The following PTPRD variants were observed in gnomAD, a reference collection of about 807,000 sequenced individuals.
PTPRD encodes protein tyrosine phosphatase receptor type D, also known as receptor-type tyrosine-protein phosphatase delta.
A neutral mutation model predicts 214.5 loss-of-function variants in PTPRD; 34 were observed. The ratio of observed to expected loss-of-function variants is 0.16; its 90% confidence interval spans 0.12 to 0.21. The LOEUF (loss-of-function observed/expected upper bound fraction) is 0.21, where lower values mean the gene tolerates loss of function less well. Ranked by LOEUF, PTPRD falls within the 10% of genes least tolerant of loss-of-function variation. The pLI, the probability that PTPRD is intolerant of heterozygous loss-of-function variation, is 1.00. For synonymous variants in PTPRD, 1,128 were observed against 845.7 expected, an observed-to-expected ratio of 1.33 and a Z score of -5.79; for missense variants, 2,545 against 2,398.7, an observed-to-expected ratio of 1.06 and a Z score of -1.27.
At chr9:8,580,892 A>T (rs1022728575) in intron 14 of PTPRD, among the ~76,000 whole-genome samples, 1 of 152,250 alleles carries the variant, frequency 6.6e-6, no homozygotes, top group African/African-American at 2.4e-5. Flanking sequence ...CAAACAGTAG[A>T]TCACATATCA....
chr9:9,271,298 A>C (rs1569566374), intron 9 of PTPRD, among the ~76,000 whole-genome samples: 1 of 151,088 alleles, frequency 6.6e-6, no homozygotes, highest in Non-Finnish European at 1.5e-5. Flanking sequence ...AAAAAAAAAA[A>C]CATCTGTGAA....
chr9:9,477,090 C>T (rs1418787372), intron 8 of PTPRD, among the ~76,000 whole-genome samples: 1 of 152,138 alleles, frequency 6.6e-6, no homozygotes, highest in Non-Finnish European at 1.5e-5. Flanking sequence ...GTACTATTTA[C>T]CTGCAGTCAT....
At chr9:9,869,503 A>T (rs2064886417) in intron 5 of PTPRD, among the ~76,000 whole-genome samples, 1 of 152,102 alleles carries the variant, frequency 6.6e-6, no homozygotes, top group Non-Finnish European at 1.5e-5. Context: ...AGAACGTTCC[A>T]CATGCTGGAT....
intron 9 of PTPRD, among the ~76,000 whole-genome samples, chr9:9,266,196 T>C (rs1939546629): frequency 6.6e-6 from 1 of 151,494 alleles, no homozygotes; most frequent in South Asian, 2.1e-4. Flanking sequence ...GTAGCAATTT[T>C]AAACGTGTGT....
chr9:9,947,595 TAATA>T (rs1370872465), intron 4 of PTPRD, among the ~76,000 whole-genome samples: 4 of 53,774 alleles, frequency 7.4e-5, no homozygotes, highest in African/African-American at 4.8e-4. Context: ...ATTATATATA[TAATA>T]TATATATTTT....
chr9:8,819,021 G>A (rs2096983889), intron 11 of PTPRD, among the ~76,000 whole-genome samples: 1 of 152,108 alleles, frequency 6.6e-6, no homozygotes, highest in Admixed American at 6.5e-5. Flanking sequence ...ACAAAATATT[G>A]CCATGTCAGA....
intron 7 of PTPRD, among the ~76,000 whole-genome samples, chr9:9,593,302 T>TC (rs2154329967): frequency 6.6e-6 from 1 of 151,956 alleles, no homozygotes; most frequent in East Asian, 1.9e-4. Context: ...ACTTAACTTT[T>TC]TTTTTTTTTG....
In PTPRD at chr9:9,411,802, A is replaced by AC. The variant is rs147068948; in HGVS notation, c.-236-14321_-236-14320insG. On this transcript the variant is annotated intron_variant, in intron 8 of 45. Transcript: ENST00000381196. Reference sequence around the variant, plus strand: ...GAGAATTTCAGCACTATGCACACACAAAAAAGATCCCTAGGGAATAAATGT... The same window carrying AC: ...GAGAATTTCAGCACTATGCACACACACAAAAAGATCCCTAGGGAATAAATGT... 8.1e-3 allele frequency among the ~76,000 whole-genome samples: 1,197 copies of AC among 146,900 alleles called. 24 individuals are homozygous for AC. The highest frequency in any genetic ancestry group is 0.06 in the East Asian group (311 of 5,186).
rs74892805 is a variant in PTPRD, at chr9:9,586,534, A to T, written c.-286-11753T>A. Among the ~76,000 whole-genome samples the T allele has an allele frequency of 7.8e-3, 1,184 of 152,098 alleles. 17 individuals are homozygous for T. Among genetic ancestry groups the T allele is most frequent in the African/African-American group, 0.027 (1,120 of 41,532 alleles). Reference sequence around the variant, plus strand: ...TATGAAACCTATACAAACTATATTCAGGTTAATTTAGTTAATCTCAAGGCA... The same window carrying T: ...TATGAAACCTATACAAACTATATTCTGGTTAATTTAGTTAATCTCAAGGCA... On this transcript the variant is annotated intron_variant, in intron 7 of 45. Coordinates refer to ENST00000381196, the MANE Select transcript of PTPRD (RefSeq NM_002839.4).
Position 8,331,725 on chromosome 9 carries a change from G to C in PTPRD, c.5391C>G (p.Ser1797=). ...TGAACTGGAACTGCCTTACTGTTCGGGACTGGCCGTCCTTTAGAAGGAAAG... is the reference window on the plus strand; with the variant it reads ...TGAACTGGAACTGCCTTACTGTTCGCGACTGGCCGTCCTTTAGAAGGAAAG... ...FKVTDARDGQ[S]RTVRQFQFTD... The change falls in exon 44 of 46, where the codon TCC becomes TCG. Residue 1797 remains serine, a synonymous_variant. Transcript: ENST00000381196. The C allele has an allele frequency of 6.2e-7, 1 of 1,600,174 alleles. No individual in the cohort carries two copies. Among genetic ancestry groups the C allele is most frequent in the South Asian group, 1.1e-5 (1 of 88,788 alleles).
chr9:8,630,641 A>G (rs2096223697), intron 14 of PTPRD, among the ~76,000 whole-genome samples: 1 of 151,882 alleles, frequency 6.6e-6, no homozygotes, highest in African/African-American at 2.4e-5. Context: ...AACTACTCAA[A>G]TCATAAATTT....
At chr9:9,688,314 T>C (rs1033390537) in intron 7 of PTPRD, among the ~76,000 whole-genome samples, 1 of 151,892 alleles carries the variant, frequency 6.6e-6, no homozygotes, top group African/African-American at 2.4e-5. Context: ...TAAGAAACCA[T>C]ACAAAACGTG....
intron 14 of PTPRD, among the ~76,000 whole-genome samples, chr9:8,547,559 C>A (rs555772191): frequency 6.6e-6 from 1 of 150,418 alleles, no homozygotes; most frequent in East Asian, 2.0e-4. Flanking sequence ...AAGAAAATTG[C>A]TTGGGCCCAG....
chr9:9,402,537 A>C (rs1363151528), intron 8 of PTPRD, among the ~76,000 whole-genome samples: 1 of 152,092 alleles, frequency 6.6e-6, no homozygotes, highest in Non-Finnish European at 1.5e-5. Context: ...ATAAATATAA[A>C]ATCCTGTTAA....
chr9:9,148,449 T>G (rs2154486180), intron 10 of PTPRD, among the ~76,000 whole-genome samples: 1 of 152,182 alleles, frequency 6.6e-6, no homozygotes, highest in Non-Finnish European at 1.5e-5. Flanking sequence ...AGAAAAAAAA[T>G]ACAGCTTCTT....
At chr9:9,090,481 T>A (rs1204935090) in intron 10 of PTPRD, among the ~76,000 whole-genome samples, 1 of 152,206 alleles carries the variant, frequency 6.6e-6, no homozygotes, top group Non-Finnish European at 1.5e-5. Context: ...TTGTACCACA[T>A]GGGTAATGGC....
chr9:9,549,926 T>C (rs571731174), intron 8 of PTPRD, among the ~76,000 whole-genome samples: 95 of 152,182 alleles, frequency 6.2e-4, no homozygotes, highest in Non-Finnish European at 1.2e-3. Flanking sequence ...TGGATAAAAG[T>C]AAAAATAAAT....
intron 43 of PTPRD, among the ~76,000 whole-genome samples, 191 bp downstream of exon 43, chr9:8,338,731 G>A (rs532316580): frequency 6.6e-6 from 1 of 151,940 alleles, no homozygotes; most frequent in African/African-American, 2.4e-5. Flanking sequence ...TAAGGTTTGT[G>A]AGAAAGCTTG....
intron 3 of PTPRD, among the ~76,000 whole-genome samples, chr9:10,290,466 C>A (rs141638911): frequency 6.6e-6 from 1 of 152,102 alleles, no homozygotes; most frequent in Non-Finnish European, 1.5e-5. Context: ...CATGAGAAAG[C>A]TGTAGTTGTA....
Sources: allele counts gnomAD v4.1 joint callset (sites outside exome capture counted in the v4.1 genomes callset), GRCh38; gene constraint gnomAD v4.1.1; transcripts MANE v1.5; gene names NCBI Gene and HGNC (gene_info 2026-07-23, HGNC 2026-07-21).